Variants in CYP2A7 observed in about 807,000 individuals in gnomAD.
CYP2A7 encodes cytochrome P450 family 2 subfamily A member 7.
CYP2A7 carries 36 observed loss-of-function variants against 42.0 expected under a neutral mutation model. The ratio of observed to expected loss-of-function variants is 0.86; its 90% CI spans 0.66 to 1.13. The LOEUF (loss-of-function observed/expected upper bound fraction) is 1.13. CYP2A7 is among the 50% of genes most tolerant of loss of function. The probability of loss-of-function intolerance (pLI) is 0.00; values close to 1 mark genes in which losing one functional copy is unlikely to be tolerated. For synonymous variants in CYP2A7, 260 were observed against 249.5 expected (o/e 1.04, Z -0.40); for missense variants, 661 against 634.1 (o/e 1.04, Z -0.46).
chr19:40,877,312 T>C lies in CYP2A7; in HGVS notation c.1039A>G (p.Thr347Ala), dbSNP rs2302987. The change falls in exon 7 of 9, where the codon ACC becomes GCC. Residue 347 changes from threonine (T) to alanine (A), a missense_variant. Physicochemically the swap from Thr to Ala is moderately conservative, Grantham distance 58. Coordinates refer to ENST00000301146, the MANE Select transcript of CYP2A7 (RefSeq NM_000764.3). The stretch of plus-strand genomic sequence containing the variant: ...ACTGCCTCCATGTAGGGCATCTTGG[T>C]CCGGTCCTCAAACTTGGGCTGCCGG... The part of the protein sequence containing the change: ...KNRQPKFEDR[T>A]KMPYMEAVIH... 0.23 allele frequency: 362,265 copies of C among 1,609,830 alleles called. 48,497 individuals are homozygous for C. Among genetic ancestry groups the C allele is most frequent in the Non-Finnish European group, 0.23 (273,322 of 1,176,800 alleles).
rs758339902 is a variant in CYP2A7, at chr19:40,875,891, G to A, written c.1304-17C>T. The A allele has an allele frequency of 1.3e-6, 2 of 1,500,612 alleles. No individual in the cohort carries two copies. The highest frequency in any genetic ancestry group is 2.8e-5 in the African/African-American group (2 of 70,724). 93.0% of individuals were successfully genotyped at this position (1,500,612 alleles called of 1,614,324 possible). A position where few individuals can be genotyped will look rare whatever the true frequency, so the allele number is the denominator to read the frequency against. On this transcript the variant is annotated splice_polypyrimidine_tract_variant and intron_variant, in intron 8 of 8. Transcript: ENST00000301146. ...TCCGCTTTCCTGAGGAGGAGAGGCGGGAGGGGTGGAGGTGAAGCCCACTCT... is the reference window on the plus strand; with the variant it reads ...TCCGCTTTCCTGAGGAGGAGAGGCGAGAGGGGTGGAGGTGAAGCCCACTCT...
In CYP2A7 at chr19:40,878,749, C is replaced by A; in HGVS notation, c.831+11G>T. 1 of 1,611,076 alleles carries A rather than the reference C, an allele frequency of 6.2e-7. No individual in the cohort carries two copies. Among genetic ancestry groups the A allele is most frequent in the Non-Finnish European group, 8.5e-7 (1 of 1,177,944 alleles). On this transcript the variant is annotated intron_variant, in intron 5 of 8. Transcript: ENST00000301146. ...GCTTTGCACCTCCCCGCACTGGCTG[C>A]TGGGGTGTACCTCCTGCATGTGGAT...
intron 1 of CYP2A7, 65 bp from the exon 2 acceptor site, chr19:40,881,816 A>T: frequency 6.3e-7 from 1 of 1,593,188 alleles, no homozygotes; most frequent in Non-Finnish European, 8.6e-7. Context: ...CCCAGCACCG[A>T]GATGTCAAGT....
In CYP2A7 at chr19:40,877,314, C is replaced by T. The variant is rs377154106; in HGVS notation, c.1037G>A (p.Arg346Gln). The change falls in exon 7 of 9, where the codon CGG becomes CAG. Residue 346 changes from arginine to glutamine, a missense_variant. Around this residue, in one of 3 missense-constraint regions of CYP2A7, gnomAD observed 614 missense variants for 552.4 expected, o/e 1.11. Transcript: ENST00000301146. ...TGCCTCCATGTAGGGCATCTTGGTC[C>T]GGTCCTCAAACTTGGGCTGCCGGTT... Reference protein sequence around the residue: ...GKNRQPKFEDRTKMPYMEAVI... With the variant: ...GKNRQPKFEDQTKMPYMEAVI... 1.6e-5 allele frequency: 26 copies of T among 1,612,742 alleles called. No individual in the cohort carries two copies. The highest frequency in any genetic ancestry group is 1.3e-4 in the African/African-American group (10 of 74,940).
At chr19:40,876,909 G>T (rs577912716) in intron 7 of CYP2A7, among the ~76,000 whole-genome samples, 1 of 151,726 alleles carries the variant, frequency 6.6e-6, no homozygotes, top group South Asian at 2.1e-4. Flanking sequence ...TGAAATTTGT[G>T]TCCCTAAGAC....
intron 4 of CYP2A7, 87 bp downstream of exon 4, chr19:40,879,997 G>T (rs1470169355): frequency 2.5e-6 from 4 of 1,575,318 alleles, no homozygotes; most frequent in Non-Finnish European, 3.5e-6. Flanking sequence ...CTGGAGCGGG[G>T]TGGGAGTTTG....
rs1364459407 is a variant in CYP2A7 at position 40,876,562 on chromosome 19, A to C, written c.1268T>G (p.Phe423Cys). 4 of 1,612,866 alleles carry C rather than the reference A, an allele frequency of 2.5e-6. No homozygotes were observed. ...PQHFLDDKGQ[F>C]KKSDAFVPFS... is the part of the protein sequence containing the mutation. ...GGGCACAAAAGCATCACTCTTCTTA[A>C]ACTGCCCCTTGTCATCCAGGAAATG... is the stretch of plus-strand genomic sequence containing the variant. Residue 423 changes from phenylalanine to cysteine, a missense_variant, in exon 8 of 9, where the codon TTT becomes TGT. Physicochemically the swap from Phe to Cys is radical, Grantham distance 205. Transcript: ENST00000301146.
Position 40,880,552 on chromosome 19 carries a change from C to T in CYP2A7, c.420G>A (p.Val140=). 4 of 1,611,698 alleles carry T rather than the reference C, an allele frequency of 2.5e-6. No homozygotes were observed. The South Asian group carries it at 4.4e-5, about 18-fold the overall frequency. The change falls in exon 3 of 9, where the codon GTG becomes GTA. Residue 140 remains valine, a synonymous_variant. Transcript: ENST00000301146. ...FAIATLRDFG[V]GKRGIEERIQ... ...TGCGCTCCTCGATGCCTCGCTTGCC[C>T]ACCCCGAAGTCCCTCAGGGTGGCGA...
chr19:40,876,892 G>A (rs1187432792), intron 7 of CYP2A7: 2 of 703,032 alleles, frequency 2.8e-6, no homozygotes, highest in Non-Finnish European at 2.3e-6. Flanking sequence ...AGGTTGTTTG[G>A]GGGACCTGAA....
At chr19:40,881,802 G>A in intron 1 of CYP2A7, 51 bp from the exon 2 acceptor site, 2 of 1,599,002 alleles carry the variant, frequency 1.3e-6, no homozygotes, top group South Asian at 2.2e-5. Flanking sequence ...CACTCTGAAT[G>A]GGGCCCAGCA....
chr19:40,875,679 G>C lies in CYP2A7; in HGVS notation c.*14C>G, dbSNP rs766398583. The C allele has an allele frequency of 1.9e-6, 3 of 1,610,834 alleles. No homozygotes were observed. The highest frequency in any genetic ancestry group is 1.7e-5 in the Admixed American group (1 of 59,548). On this transcript the variant is annotated 3_prime_UTR_variant, in exon 9 of 9. Transcript: ENST00000301146. ...TGGCCCCGCCCACCAGACCTGCACCGGCACAGCCCTCGCTCAGCGGGGCAG... is the reference window on the plus strand; with the variant it reads ...TGGCCCCGCCCACCAGACCTGCACCCGCACAGCCCTCGCTCAGCGGGGCAG...
At chr19:40,878,123 A>G in intron 5 of CYP2A7, 130 bp from the exon 6 acceptor site, 2 of 1,025,818 alleles carry the variant, frequency 1.9e-6, no homozygotes, top group Non-Finnish European at 1.4e-6. Context: ...GATCTACCAG[A>G]CTCGCTCTAG....
chr19:40,879,318 A>T (rs532923946), intron 4 of CYP2A7, among the ~76,000 whole-genome samples: 1 of 151,098 alleles, frequency 6.6e-6, no homozygotes, highest in Non-Finnish European at 1.5e-5. Flanking sequence ...GTATTTAGGC[A>T]TTCAAGTAGG....
chr19:40,877,470 T>TC, intron 6 of CYP2A7, 93 bp from the exon 7 acceptor site: 1 of 1,544,396 alleles, frequency 6.5e-7, no homozygotes, highest in Non-Finnish European at 8.8e-7. Context: ...ATGATACGGC[T>TC]CCCCCTATGA....
At position 40,880,938 on chromosome 19, in the gene CYP2A7, A is replaced by C. The variant is rs771339606; in HGVS notation, c.344-310T>G. 2.8e-4 allele frequency among the ~76,000 whole-genome samples: 42 copies of C among 149,770 alleles called. 1 individual carries two copies. The highest frequency in any genetic ancestry group is 5.5e-4 in the Non-Finnish European group (37 of 67,306). On this transcript the variant is annotated intron_variant, in intron 2 of 8. Transcript: ENST00000301146. ...AGATGCGCAGAGAAACAGAGGGATA[A>C]GGGGATACTCCATGGAGGAAGGGTA...
chr19:40,877,081 G>C, intron 7 of CYP2A7, 109 bp downstream of exon 7: 2 of 1,288,004 alleles, frequency 1.6e-6, no homozygotes, highest in East Asian at 2.3e-5. Flanking sequence ...CTTTTTGACT[G>C]ATTGAGGGAG....
Position 40,875,868 on chromosome 19 carries a change from C to T in CYP2A7, c.1310G>A (p.Arg437Gln). Residue 437 changes from arginine to glutamine, a missense_variant, in exon 9 of 9, where the codon CGG becomes CAG. By Grantham distance (43) the Arg-to-Gln change is conservative. Around this residue, in one of 3 missense-constraint regions of CYP2A7, gnomAD observed 25 missense variants for 62.4 expected, o/e 0.40. Coordinates refer to ENST00000301146, the MANE Select transcript of CYP2A7 (RefSeq NM_000764.3). Reference protein sequence around the residue: ...DAFVPFSIGKRNCFGEGLARM... With the variant: ...DAFVPFSIGKQNCFGEGLARM... ...GGCCAGGCCTTCTCCGAAACAGTTCCGCTTTCCTGAGGAGGAGAGGCGGGA... is the reference window on the plus strand; with the variant it reads ...GGCCAGGCCTTCTCCGAAACAGTTCTGCTTTCCTGAGGAGGAGAGGCGGGA... 1 of 1,545,710 alleles carries T rather than the reference C, an allele frequency of 6.5e-7. No homozygotes were observed. Among genetic ancestry groups the T allele is most frequent in the Non-Finnish European group, 8.8e-7 (1 of 1,142,012 alleles).
At chr19:40,878,540 G>A (rs1967587702) in intron 5 of CYP2A7, among the ~76,000 whole-genome samples, 1 of 151,758 alleles carries the variant, frequency 6.6e-6, no homozygotes, top group Non-Finnish European at 1.5e-5. Context: ...TGACCATGTT[G>A]GCCAGGCTGG....
In CYP2A7 at chr19:40,880,794, C is replaced by CGAGG. The variant is rs1313900459; in HGVS notation, c.344-170_344-167dup. 9.2e-4 allele frequency among the ~76,000 whole-genome samples: 20 copies of CGAGG among 21,782 alleles called. 5 individuals carry two copies. The highest frequency in any genetic ancestry group is 7.9e-3 in the Admixed American group (8 of 1,018). The allele number at this position is 21,782 out of a possible 152,430, so 14.3% of individuals were successfully genotyped here. A position where few individuals can be genotyped will look rare whatever the true frequency, so the allele number is the denominator to read the frequency against. On this transcript the variant is annotated intron_variant, in intron 2 of 8. Transcript: ENST00000301146. ...AGGTGCAAACTCAGTCAGAGAAACA[C>CGAGG]GAGGGAGAGAGAGAGAGAGAGAGAG...
Sources: gnomAD v4.1 joint callset for allele counts (sites outside exome capture counted in the v4.1 genomes callset) on GRCh38, gnomAD v4.1.1 for gene constraint, gnomAD v4.1.1 regional missense constraint, MANE v1.5 for transcripts, NCBI Gene and HGNC (gene_info 2026-07-23, HGNC 2026-07-21) for gene names.